PEF1: variants seen among roughly 807,000 people sequenced by gnomAD.
PEF1 encodes the protein penta-EF-hand domain containing 1, also known as peflin.
In PEF1, 17 loss-of-function variants were observed where a neutral mutation model predicts 32.0. That is an observed-to-expected ratio of 0.53 (90% CI 0.36 to 0.80). PEF1 has a LOEUF of 0.80. PEF1 is among the 30% of genes least tolerant of loss of function. The pLI, the probability that PEF1 is intolerant of heterozygous loss-of-function variation, is 0.00. For synonymous variants in PEF1, 130 were observed against 139.8 expected (o/e 0.93, Z 0.50); for missense variants, 362 against 369.1 (o/e 0.98, Z 0.16).
At position 31,630,813 on chromosome 1, in the gene PEF1, G is replaced by A. The variant is rs1640078384; in HGVS notation, c.655C>T (p.Pro219Ser). 1 of 1,611,720 alleles carries A rather than the reference G, an allele frequency of 6.2e-7. No homozygotes were observed. The highest frequency in any genetic ancestry group is 8.5e-7 in the Non-Finnish European group (1 of 1,179,972). The change falls in exon 5 of 5, where the codon CCC (proline) becomes TCC (serine). Residue 219 changes from proline (P) to serine (S), a missense_variant. Pro to Ser is a moderately conservative substitution (Grantham distance 74). Coordinates refer to ENST00000373703, the MANE Select transcript of PEF1 (RefSeq NM_012392.4). Reference protein sequence around the residue: ...ALSQMGYNLSPQFTQLLVSRY... With the variant: ...ALSQMGYNLSSQFTQLLVSRY... ...GAGACCAGAAGCTGGGTGAACTGGG[G>A]GCTCAGGTTGTAGCCCATTTGGGAC...
rs1271184900 is a variant in PEF1, at chr1:31,630,211, T to C, written c.*402A>G. 1 of 250,160 alleles carries C rather than the reference T, an allele frequency of 4.0e-6. No homozygotes were observed. The highest frequency in any genetic ancestry group is 8.0e-6 in the Non-Finnish European group (1 of 125,016). The allele number at this position is 250,160 out of a possible 1,614,324, so 15.5% of individuals were successfully genotyped here. Reference sequence around the variant, plus strand: ...TCCACTTTGGAGAAAATGGGCTCGTTTGACAGGATGGCCTGGTGAGGGAAC... The same window carrying C: ...TCCACTTTGGAGAAAATGGGCTCGTCTGACAGGATGGCCTGGTGAGGGAAC... On this transcript the variant is annotated 3_prime_UTR_variant, in exon 5 of 5. Coordinates refer to ENST00000373703, the MANE Select transcript of PEF1 (RefSeq NM_012392.4).
At chr1:31,642,562 G>A (rs1640424012) in intron 1 of PEF1, among the ~76,000 whole-genome samples, 1 of 152,214 alleles carries the variant, frequency 6.6e-6, no homozygotes, top group Non-Finnish European at 1.5e-5. Context: ...AGCACTGACT[G>A]AGATGCTTTA....
chr1:31,630,662 C>A lies in PEF1; in HGVS notation c.806G>T (p.Arg269Leu). Residue 269 changes from arginine to leucine, a missense_variant, in exon 5 of 5, where the codon CGG (arginine) becomes CTG (leucine). Transcript: ENST00000373703. ...EKDTAVQGNIRLSFEDFVTMT... is the reference protein window; with the variant it reads ...EKDTAVQGNILLSFEDFVTMT... ...GGTGACGAAGTCCTCGAAGCTGAGCCGAATGTTGCCTTGTACAGCTGTGTC... is the reference window on the plus strand; with the variant it reads ...GGTGACGAAGTCCTCGAAGCTGAGCAGAATGTTGCCTTGTACAGCTGTGTC... The A allele has an allele frequency of 6.2e-7, 1 of 1,613,230 alleles. No individual in the cohort carries two copies. The highest frequency in any genetic ancestry group is 8.5e-7 in the Non-Finnish European group (1 of 1,180,042).
chr1:31,632,597 C>T lies in PEF1; in HGVS notation c.523G>A (p.Gly175Ser), dbSNP rs776849452. The change falls in exon 4 of 5, where the codon GGC (glycine) becomes AGC (serine). Residue 175 changes from glycine (G) to serine (S), a missense_variant. By Grantham distance (56) the Gly-to-Ser change is moderately conservative (BLOSUM62 0). Coordinates refer to ENST00000373703, the MANE Select transcript of PEF1 (RefSeq NM_012392.4). Reference sequence around the variant, plus strand: ...ATGAATTTCCACAGGGCTGAGAAGCCGTAGACATCGATGCGGCCTGACTTG... The same window carrying T: ...ATGAATTTCCACAGGGCTGAGAAGCTGTAGACATCGATGCGGCCTGACTTG... ...KTKSGRIDVY[G>S]FSALWKFIQQ... 5.6e-6 allele frequency: 9 copies of T among 1,614,022 alleles called. No homozygotes were observed. The highest frequency in any genetic ancestry group is 1.1e-5 in the South Asian group (1 of 91,084).
chr1:31,644,611 G>T, intron 1 of PEF1: 1 of 1,439,744 alleles, frequency 6.9e-7, no homozygotes, highest in South Asian at 1.5e-5. Context: ...CCAAATCCTC[G>T]AGTGAGCGAC....
At chr1:31,631,912 T>C (rs946535373) in intron 4 of PEF1, among the ~76,000 whole-genome samples, 1 of 116,516 alleles carries the variant, frequency 8.6e-6, no homozygotes, top group African/African-American at 2.8e-5. Flanking sequence ...GTGGCAAAGC[T>C]CCCTCTTGGG....
chr1:31,642,703 AG>A (rs1640431801), intron 1 of PEF1, among the ~76,000 whole-genome samples: 1 of 152,174 alleles, frequency 6.6e-6, no homozygotes, highest in Non-Finnish European at 1.5e-5. Flanking sequence ...ATTTCACTCC[AG>A]GAATAGCCCA....
chr1:31,639,024 G>T (rs1212319757), intron 1 of PEF1, among the ~76,000 whole-genome samples: 1 of 152,224 alleles, frequency 6.6e-6, no homozygotes, highest in Non-Finnish European at 1.5e-5. Context: ...TGTGCTGTTT[G>T]CAGAATGAAT....
chr1:31,635,955 A>C (rs1044274186), intron 1 of PEF1, among the ~76,000 whole-genome samples: 4 of 152,206 alleles, frequency 2.6e-5, no homozygotes, highest in Non-Finnish European at 4.4e-5. Flanking sequence ...CTCATGGGGC[A>C]AACGCAGTCT....
At chr1:31,643,754 T>C (rs1372480108) in intron 1 of PEF1, among the ~76,000 whole-genome samples, 1 of 152,232 alleles carries the variant, frequency 6.6e-6, no homozygotes, top group Non-Finnish European at 1.5e-5. Flanking sequence ...CACTGTGTAA[T>C]ATACCAATTG....
In PEF1 at chr1:31,630,163, ATC is replaced by A; in HGVS notation, c.*448_*449del. ...TCCAAGCCACTGGTCCCATAGACAGATCTCTCTCATGCTTGGTCAGATTCCAC... is the reference window on the plus strand; with the variant it reads ...TCCAAGCCACTGGTCCCATAGACAGATCTCTCATGCTTGGTCAGATTCCAC... On this transcript the variant is annotated 3_prime_UTR_variant, in exon 5 of 5. Transcript: ENST00000373703. The A allele has an allele frequency of 4.4e-6, 1 of 227,202 alleles. No individual in the cohort carries two copies. The allele number at this position is 227,202 out of a possible 1,614,324, so 14.1% of individuals were successfully genotyped here. A position where few individuals can be genotyped will look rare whatever the true frequency, so the allele number is the denominator to read the frequency against.
intron 4 of PEF1, among the ~76,000 whole-genome samples, chr1:31,631,288 T>C (rs1640096258): frequency 6.6e-6 from 1 of 152,198 alleles, no homozygotes; most frequent in South Asian, 2.1e-4. Flanking sequence ...CCCTATCTTA[T>C]CATCTCTAAA....
chr1:31,634,828 C>G, intron 2 of PEF1: 2 of 461,120 alleles, frequency 4.3e-6, no homozygotes, highest in Non-Finnish European at 8.7e-6. Context: ...GCAAGACATA[C>G]AGTACTTCAG....
chr1:31,634,257 T>C (rs1353297336), intron 2 of PEF1, among the ~76,000 whole-genome samples: 1 of 152,198 alleles, frequency 6.6e-6, no homozygotes, highest in African/African-American at 2.4e-5. Context: ...GCAGGAGAGA[T>C]TCTGTGACAT....
chr1:31,637,405 A>T (rs572128782), intron 1 of PEF1, among the ~76,000 whole-genome samples: 1 of 152,276 alleles, frequency 6.6e-6, no homozygotes, highest in South Asian at 2.1e-4. Flanking sequence ...AATGCAGCAA[A>T]ATTCTGTCAG....
rs1640246391 is a variant in PEF1, at chr1:31,636,107, T to C, written c.25-585A>G. On this transcript the variant is annotated intron_variant, in intron 1 of 4. Coordinates refer to ENST00000373703, the MANE Select transcript of PEF1 (RefSeq NM_012392.4). ...TCTGTGAGGCAGGCAGGGGAGACCC[T>C]ATTCCTAAGGCAATACGATACAATG... is the stretch of plus-strand genomic sequence containing the variant. 3.9e-5 allele frequency among the ~76,000 whole-genome samples: 6 copies of C among 152,294 alleles called. No individual in the cohort carries two copies. The South Asian group carries it at 1.2e-3, about 32-fold the overall frequency.
At chr1:31,630,966 G>A in intron 4 of PEF1, 124 bp from the exon 5 acceptor site, 1 of 807,408 alleles carries the variant, frequency 1.2e-6, no homozygotes, top group Middle Eastern at 2.3e-4. Context: ...AGCACAAAGA[G>A]GGTAGAGAAA....
At chr1:31,644,040 C>G (rs1030012275) in intron 1 of PEF1, 1 of 152,240 alleles carries the variant, frequency 6.6e-6, no homozygotes, top group African/African-American at 2.4e-5. Context: ...ATTTTACAGG[C>G]GGAAACTTGG....
At chr1:31,640,391 T>C (rs1185172325) in intron 1 of PEF1, among the ~76,000 whole-genome samples, 8 of 152,178 alleles carry the variant, frequency 5.3e-5, no homozygotes, top group African/African-American at 1.4e-4. Context: ...TACCCCCTTC[T>C]GTTTGTTCAC....
Sources: allele counts gnomAD v4.1 joint callset (sites outside exome capture counted in the v4.1 genomes callset), GRCh38; gene constraint gnomAD v4.1.1; transcripts MANE v1.5; gene names NCBI Gene and HGNC (gene_info 2026-07-23, HGNC 2026-07-21).